RAB40C: variants seen among roughly 807,000 people sequenced by gnomAD.
RAB40C encodes RAB40C, member RAS oncogene family.
Under a neutral mutation model 28.1 loss-of-function variants are expected in RAB40C, and 8 were observed. The ratio of observed to expected loss-of-function variants is 0.28; its 90% CI spans 0.17 to 0.51. The LOEUF is 0.51. RAB40C is among the 20% of genes least tolerant of loss of function. RAB40C has a pLI of 0.97. For synonymous variants in RAB40C, 201 were observed against 171.7 expected (o/e 1.17, Z -1.34); for missense variants, 288 against 405.9 (o/e 0.71, Z 2.50).
chr16:594,580 A>G (rs955517150), intron 1 of RAB40C, among the ~76,000 whole-genome samples: 17 of 152,276 alleles, frequency 1.1e-4, no homozygotes, highest in East Asian at 5.8e-4. Context: ...GAAGTGGCCA[A>G]TTCCAGGGGA....
rs541479543 is a variant in RAB40C, at chr16:618,185, C to T, written c.204-15C>T. 6.2e-7 allele frequency: 1 copy of T among 1,611,280 alleles called. No individual in the cohort carries two copies. The highest frequency in any genetic ancestry group is 1.3e-5 in the African/African-American group (1 of 74,868). ...GGACCACAGTCCCGGCCCCTCCCCTCCCCGTATGTTTCAGGGACACGTCGG... is the reference window on the plus strand; with the variant it reads ...GGACCACAGTCCCGGCCCCTCCCCTTCCCGTATGTTTCAGGGACACGTCGG... On this transcript the variant is annotated splice_polypyrimidine_tract_variant and intron_variant, in intron 2 of 5. Transcript: ENST00000248139.
intron 1 of RAB40C, among the ~76,000 whole-genome samples, chr16:595,242 C>T (rs942533339): frequency 2.6e-5 from 4 of 152,176 alleles, no homozygotes; most frequent in East Asian, 1.9e-4. Flanking sequence ...GGGCGCTTTC[C>T]GCTGCCCCCG....
At chr16:597,833 G>T (rs866989398) in intron 1 of RAB40C, among the ~76,000 whole-genome samples, 27 of 149,428 alleles carry the variant, frequency 1.8e-4, no homozygotes, top group African/African-American at 6.4e-4. Flanking sequence ...GGGCACGGTG[G>T]CTCACACCTG....
Position 590,381 on chromosome 16 carries a change from C to A in RAB40C, c.90C>A (p.Ile30=), listed in dbSNP as rs1233524288. The A allele has an allele frequency of 2.5e-6, 4 of 1,597,028 alleles. No individual in the cohort carries two copies. The South Asian group carries it at 3.4e-5, about 13-fold the overall frequency. ...VGDSDVGKGE[I]LESLQDGAAE... ...ACAGCGACGTGGGCAAGGGCGAGAT[C>A]CTGGAGAGCCTGCAGGACGGCGCGG... Residue 30 remains isoleucine (I), a synonymous_variant, in exon 1 of 6, where the codon ATC becomes ATA. Transcript: ENST00000248139.
Position 628,620 on chromosome 16 carries a change from C to T in RAB40C, c.*998C>T, listed in dbSNP as rs947910160. ...CACCTGGGGGCCTCGGGAGGCTAGG[C>T]CCCTCCTCAAAGGCCCACCAGCCCG... On this transcript the variant is annotated 3_prime_UTR_variant, in exon 6 of 6. Transcript: ENST00000248139. 1 of 152,528 alleles carries T rather than the reference C, an allele frequency of 6.6e-6. No individual in the cohort carries two copies. Among genetic ancestry groups the T allele is most frequent in the African/African-American group, 2.4e-5 (1 of 41,462 alleles). The allele number at this position is 152,528 out of a possible 1,614,324, so 9.4% of individuals were successfully genotyped here.
At position 626,015 on chromosome 16, in the gene RAB40C, T is replaced by G; in HGVS notation, c.459T>G (p.Phe153Leu). ...AYAEKNCMTF[F>L]EVSPLCNFNV... ...CAGAGAAGAACTGCATGACCTTCTT[T>G]GAGGTCAGCCCCCTGTGCAACTTCA... is the stretch of plus-strand genomic sequence containing the variant. The change falls in exon 5 of 6, where the codon TTT becomes TTG. Residue 153 changes from phenylalanine (F) to leucine (L), a missense_variant. By Grantham distance (22) the Phe-to-Leu change is conservative (BLOSUM62 0). This residue lies in a region of RAB40C where 153 missense variants were observed against 262.4 expected (regional missense o/e 0.58). Transcript: ENST00000248139. 1 of 1,613,340 alleles carries G rather than the reference T, an allele frequency of 6.2e-7. No homozygotes were observed. The highest frequency in any genetic ancestry group is 8.5e-7 in the Non-Finnish European group (1 of 1,179,956).
At chr16:590,649 C>T (rs1157030200) in intron 1 of RAB40C, among the ~76,000 whole-genome samples, 1 of 152,226 alleles carries the variant, frequency 6.6e-6, no homozygotes, top group Non-Finnish European at 1.5e-5. Flanking sequence ...CAGAGGGACG[C>T]GCCCAGCGGG....
chr16:608,412 C>T (rs1324118440), intron 1 of RAB40C, among the ~76,000 whole-genome samples: 3 of 152,220 alleles, frequency 2.0e-5, no homozygotes, highest in Non-Finnish European at 2.9e-5. Flanking sequence ...GCTTAGCTCC[C>T]ACCTCGTCCT....
At chr16:608,227 A>G (rs998126824) in intron 1 of RAB40C, among the ~76,000 whole-genome samples, 1 of 152,192 alleles carries the variant, frequency 6.6e-6, no homozygotes, top group Non-Finnish European at 1.5e-5. Flanking sequence ...TGAAGGGGGA[A>G]GCCCCTCCTA....
chr16:618,345 C>A, intron 3 of RAB40C, 85 bp downstream of exon 3: 2 of 1,311,216 alleles, frequency 1.5e-6, no homozygotes, highest in Non-Finnish European at 2.1e-6. Context: ...TCCTGTCAAA[C>A]TCCCAAGGAC....
intron 1 of RAB40C, chr16:596,567 G>A (rs919417454): frequency 1.3e-4 from 43 of 331,570 alleles, no homozygotes; most frequent in Admixed American, 7.6e-4. Context: ...ATCCTGGTGC[G>A]GAGAACGCTG....
In RAB40C at chr16:610,478, G is replaced by A. The variant is rs566863285; in HGVS notation, c.143-6730G>A. Among the ~76,000 whole-genome samples, 1 of 152,316 alleles carries A rather than the reference G, an allele frequency of 6.6e-6. No homozygotes were observed. Among genetic ancestry groups the A allele is most frequent in the Non-Finnish European group, 1.5e-5 (1 of 68,010 alleles). On this transcript the variant is annotated intron_variant, in intron 1 of 5. Coordinates refer to ENST00000248139, the MANE Select transcript of RAB40C (RefSeq NM_021168.5). This position sits in a 1 kb window ranked among gnomAD's most constrained non-coding sequence, Gnocchi z 4.6. The stretch of plus-strand genomic sequence containing the variant: ...CTCAGTGGGCCTGCACGGAGCAGCT[G>A]ACCTTCACTGGCGCCCTTGCCTTTT...
At chr16:622,308 G>A (rs1379997634) in intron 3 of RAB40C, among the ~76,000 whole-genome samples, 3 of 152,210 alleles carry the variant, frequency 2.0e-5, no homozygotes, top group Admixed American at 6.5e-5. Flanking sequence ...CGAGCAGGCG[G>A]GGGTGCTGGG....
intron 1 of RAB40C, among the ~76,000 whole-genome samples, chr16:604,291 C>T (rs2036314336): frequency 1.3e-5 from 2 of 152,052 alleles, no homozygotes; most frequent in East Asian, 3.8e-4. Flanking sequence ...GTCATTTTAG[C>T]CATATGTAGG....
At chr16:598,328 A>C (rs2036176114) in intron 1 of RAB40C, among the ~76,000 whole-genome samples, 1 of 151,660 alleles carries the variant, frequency 6.6e-6, no homozygotes, top group Admixed American at 6.6e-5. Context: ...CAGTGAGCCG[A>C]GATCACGCCA....
At chr16:607,374 G>A (rs1596405138) in intron 1 of RAB40C, among the ~76,000 whole-genome samples, 1 of 151,974 alleles carries the variant, frequency 6.6e-6, no homozygotes, top group East Asian at 1.9e-4. Flanking sequence ...ATGGTGGTGG[G>A]TGCCTGTAAT....
chr16:603,238 C>G (rs893845103), intron 1 of RAB40C, among the ~76,000 whole-genome samples: 2 of 152,250 alleles, frequency 1.3e-5, no homozygotes, highest in Non-Finnish European at 2.9e-5. Flanking sequence ...AACCAGTCCA[C>G]AAACTGCCCT....
At chr16:611,528 G>A (rs952051923) in intron 1 of RAB40C, among the ~76,000 whole-genome samples, 31 of 152,234 alleles carry the variant, frequency 2.0e-4, no homozygotes, top group Non-Finnish European at 4.0e-4. Flanking sequence ...AGGGAGGTGC[G>A]GGAAGGGTGT....
rs546696481 is a variant in RAB40C at position 627,309 on chromosome 16, G to A, written c.566-33G>A. ...CCTGCACAGGGCCTCCTCCCCCACA[G>A]CCCCATGGTCTGACACCCCCTCTGC... On this transcript the variant is annotated intron_variant, in intron 5 of 5. Coordinates refer to ENST00000248139, the MANE Select transcript of RAB40C (RefSeq NM_021168.5). 1.8e-5 allele frequency: 29 copies of A among 1,593,522 alleles called. No individual in the cohort carries two copies. In the African/African-American group the frequency reaches 2.1e-4, roughly 12 times the overall value.
Sources: gnomAD v4.1 joint callset for allele counts (sites outside exome capture counted in the v4.1 genomes callset) on GRCh38, gnomAD v4.1.1 for gene constraint, gnomAD v4.1.1 regional missense constraint, Gnocchi (gnomAD v3.1) non-coding constraint, MANE v1.5 for transcripts, NCBI Gene and HGNC (gene_info 2026-07-23, HGNC 2026-07-21) for gene names.